Variants in BEGAIN observed in about 807,000 individuals in gnomAD.
The protein encoded by BEGAIN is brain enriched guanylate kinase associated.
In BEGAIN, 19 loss-of-function variants were observed where a neutral mutation model predicts 35.8. That is an observed-to-expected ratio of 0.53 (90% CI 0.37 to 0.78). BEGAIN has a LOEUF of 0.78. Among genes scored for constraint, BEGAIN ranks in the 30% least tolerant of loss-of-function variants. The pLI is 0.00. For missense variants in BEGAIN, 795 were observed against 853.6 expected (o/e 0.93, Z 0.85); for synonymous variants, 462 against 388.6 (o/e 1.19, Z -2.22).
intron 2 of BEGAIN, among the ~76,000 whole-genome samples, chr14:100,552,234 T>C (rs1194411484): frequency 6.6e-6 from 1 of 152,044 alleles, no homozygotes; most frequent in Non-Finnish European, 1.5e-5. Context: ...GGGGTGGGGC[T>C]GGCCTGCAGG....
At position 100,567,413 on chromosome 14, in the gene BEGAIN, TC is replaced by T. The variant is rs2034785570; in HGVS notation, c.71+497del. On this transcript the variant is annotated intron_variant, in intron 2 of 6. Coordinates refer to ENST00000554140, the MANE Select transcript of BEGAIN (RefSeq NM_001385089.1). The surrounding 1 kb of genome is among the most constrained non-coding windows in gnomAD (Gnocchi z 5.1). ...GCCTGGTCCAGCCGCGAGGACTCCA[TC>T]CCCCACCCCCGCCCCCCAGAGGCGG... 6.8e-6 allele frequency among the ~76,000 whole-genome samples: 1 copy of T among 146,254 alleles called. No individual in the cohort carries two copies.
chr14:100,583,997 C>G (rs1231396742), intron 1 of BEGAIN, among the ~76,000 whole-genome samples: 1 of 152,228 alleles, frequency 6.6e-6, no homozygotes, highest in Non-Finnish European at 1.5e-5. Flanking sequence ...CTGCGCCCAG[C>G]CTATCCCTCT....
intron 1 of BEGAIN, among the ~76,000 whole-genome samples, chr14:100,575,611 C>G (rs539265726): frequency 1.2e-3 from 182 of 152,254 alleles, no homozygotes; most frequent in African/African-American, 4.3e-3. Context: ...AGAGTTGGTG[C>G]CCATCATGAG....
At chr14:100,572,821 T>C (rs1209739000) in intron 1 of BEGAIN, among the ~76,000 whole-genome samples, 1 of 152,120 alleles carries the variant, frequency 6.6e-6, no homozygotes, top group Non-Finnish European at 1.5e-5. Context: ...AACTGATCAC[T>C]TGGAGTGGAC....
At chr14:100,562,181 A>G (rs1338612322) in intron 2 of BEGAIN, among the ~76,000 whole-genome samples, 1 of 152,062 alleles carries the variant, frequency 6.6e-6, no homozygotes, top group Non-Finnish European at 1.5e-5. Flanking sequence ...GATGGAGAGC[A>G]GGGGGCCTGG....
At position 100,537,832 on chromosome 14, in the gene BEGAIN, GA is replaced by G. The variant is rs1434943455; in HGVS notation, c.*136del. 1.5e-5 allele frequency: 20 copies of G among 1,304,470 alleles called. No homozygotes were observed. The highest frequency in any genetic ancestry group is 2.0e-5 in the Non-Finnish European group (20 of 986,998). 80.8% of individuals were successfully genotyped at this position (1,304,470 alleles called of 1,614,324 possible). ...AGGCCTACAGGGCTGGGGAGGAGAGGAGGTGCGGGGAGGAACAGACTCCTCG... is the reference window on the plus strand; with the variant it reads ...AGGCCTACAGGGCTGGGGAGGAGAGGGGTGCGGGGAGGAACAGACTCCTCG... On this transcript the variant is annotated 3_prime_UTR_variant, in exon 7 of 7. Transcript: ENST00000554140.
Position 100,558,011 on chromosome 14 carries a change from G to A in BEGAIN, c.71+9900C>T, listed in dbSNP as rs1043045994. ...AGGCAGCCCTCAGCTGGGCTGGACCGTGGCCACTGGCTTCCCCCAGCTGCA... is the reference window on the plus strand; with the variant it reads ...AGGCAGCCCTCAGCTGGGCTGGACCATGGCCACTGGCTTCCCCCAGCTGCA... On this transcript the variant is annotated intron_variant, in intron 2 of 6. Transcript: ENST00000554140. The surrounding 1 kb of genome is among the most constrained non-coding windows in gnomAD (Gnocchi z 4.6). 4.6e-5 allele frequency among the ~76,000 whole-genome samples: 7 copies of A among 152,092 alleles called. No individual in the cohort carries two copies. Among genetic ancestry groups the A allele is most frequent in the African/African-American group, 9.7e-5 (4 of 41,402 alleles).
intron 1 of BEGAIN, among the ~76,000 whole-genome samples, chr14:100,581,094 C>T (rs1302743559): frequency 2.0e-5 from 3 of 152,130 alleles, no homozygotes; most frequent in Non-Finnish European, 4.4e-5. Flanking sequence ...TCCAACACTC[C>T]AACAGGCCTG....
chr14:100,568,323 G>A lies in BEGAIN; in HGVS notation c.43-384C>T. The A allele has an allele frequency of 4.4e-6, 1 of 227,452 alleles. No individual in the cohort carries two copies. Among genetic ancestry groups the A allele is most frequent in the Non-Finnish European group, 8.1e-6 (1 of 123,918 alleles). The allele number at this position is 227,452 out of a possible 1,614,324, so 14.1% of individuals were successfully genotyped here. A position where few individuals can be genotyped will look rare whatever the true frequency, so the allele number is the denominator to read the frequency against. ...CCCCGCTGCTCCCCCCGCCCCGCCC[G>A]TTAACCCTTCCTGCCCCGCGCTCCC... On this transcript the variant is annotated intron_variant, in intron 1 of 6. Transcript: ENST00000554140. The surrounding 1 kb of genome is among the most constrained non-coding windows in gnomAD (Gnocchi z 7.5).
In BEGAIN at chr14:100,539,174, C is replaced by T. The variant is rs766810051; in HGVS notation, c.634G>A (p.Ala212Thr). 8 of 1,581,462 alleles carry T rather than the reference C, an allele frequency of 5.1e-6. No individual in the cohort carries two copies. Among genetic ancestry groups the T allele is most frequent in the South Asian group, 4.6e-5 (4 of 86,828 alleles). ...TCGGACAGGCGGGAGGACAGGCTGG[C>T]GGGGTCCGGCTTCTCCAGCACCTTG... The part of the protein sequence containing the change: ...IAKVLEKPDP[A>T]SLSSRLSDAS... The change falls in exon 7 of 7, where the codon GCC becomes ACC. Residue 212 changes from alanine to threonine, a missense_variant. By Grantham distance (58) the Ala-to-Thr change is moderately conservative. This residue lies in a region of BEGAIN where 664 missense variants were observed against 647.7 expected (regional missense o/e 1.03). Coordinates refer to ENST00000554140, the MANE Select transcript of BEGAIN (RefSeq NM_001385089.1).
chr14:100,567,012 A>T lies in BEGAIN; in HGVS notation c.71+899T>A, dbSNP rs968210014. 2.6e-5 allele frequency among the ~76,000 whole-genome samples: 4 copies of T among 152,028 alleles called. No homozygotes were observed. Among genetic ancestry groups the T allele is most frequent in the Non-Finnish European group, 5.9e-5 (4 of 67,980 alleles). ...CTGGGCTCTGCTCCTTGGGGGAGGG[A>T]TGCTCCTCTACCCGGCCTCCTCCCC... is the stretch of plus-strand genomic sequence containing the variant. On this transcript the variant is annotated intron_variant, in intron 2 of 6. Transcript: ENST00000554140. The surrounding 1 kb of genome is among the most constrained non-coding windows in gnomAD (Gnocchi z 5.1).
At chr14:100,560,797 C>T (rs1015876886) in intron 2 of BEGAIN, among the ~76,000 whole-genome samples, 8 of 152,310 alleles carry the variant, frequency 5.3e-5, no homozygotes, top group African/African-American at 1.2e-4. Flanking sequence ...CATCCCCTGT[C>T]CCATCTCCTG....
At chr14:100,557,599 C>T (rs2033870419) in intron 2 of BEGAIN, among the ~76,000 whole-genome samples, 1 of 152,164 alleles carries the variant, frequency 6.6e-6, no homozygotes, top group South Asian at 2.1e-4. Context: ...ATTATGGCCT[C>T]CTCCCCATCA....
Position 100,555,315 on chromosome 14 carries a change from C to A in BEGAIN, c.72-8653G>T, listed in dbSNP as rs1046588631. ...AATCGCCTCGCCTGGCGGAGCCTCT[C>A]CTGTGCCGGTGGCCTGTGTTCCCTG... On this transcript the variant is annotated intron_variant, in intron 2 of 6. Transcript: ENST00000554140. Among the ~76,000 whole-genome samples the A allele has an allele frequency of 4.6e-5, 7 of 152,266 alleles. 1 individual carries two copies. The South Asian group carries it at 1.4e-3, about 31-fold the overall frequency.
chr14:100,583,776 C>T (rs187400241), intron 1 of BEGAIN, among the ~76,000 whole-genome samples: 16 of 145,826 alleles, frequency 1.1e-4, no homozygotes, highest in Admixed American at 4.1e-4. Flanking sequence ...ACTGCAACCT[C>T]ACCTCTGCCT....
At chr14:100,550,478 C>T (rs550369528) in intron 2 of BEGAIN, 9 of 399,088 alleles carry the variant, frequency 2.3e-5, no homozygotes, top group East Asian at 7.1e-5. Flanking sequence ...CGGGGCTGCC[C>T]GAGGCACAAG....
chr14:100,570,169 A>G (rs1234180385), intron 1 of BEGAIN, among the ~76,000 whole-genome samples: 1 of 152,254 alleles, frequency 6.6e-6, no homozygotes, highest in Non-Finnish European at 1.5e-5. Context: ...TCTAAAATTA[A>G]TAAGAATGTA....
rs914121661 is a variant in BEGAIN, at chr14:100,538,662, T to C, written c.1146A>G (p.Glu382=). The C allele has an allele frequency of 3.2e-5, 49 of 1,550,724 alleles. No individual in the cohort carries two copies. The highest frequency in any genetic ancestry group is 4.2e-5 in the Non-Finnish European group (48 of 1,146,952). ...TGGTCCGCCCGAAGCCTGGGGCCAC[T>C]TCGGCCTCCAGCGGGGCCGCCACCG... ...TAAVAAPLEA[E]VAPGFGRTMS... Residue 382 remains glutamate (E), a synonymous_variant, in exon 7 of 7, where the codon GAA becomes GAG. Coordinates refer to ENST00000554140, the MANE Select transcript of BEGAIN (RefSeq NM_001385089.1).
intron 1 of BEGAIN, among the ~76,000 whole-genome samples, chr14:100,577,067 A>C (rs2035218067): frequency 3.3e-5 from 5 of 152,210 alleles, no homozygotes; most frequent in Admixed American, 3.3e-4. Flanking sequence ...GCTCTGCCGC[A>C]GTGGGGAGGG....
Sources: allele counts gnomAD v4.1 joint callset (sites outside exome capture counted in the v4.1 genomes callset), GRCh38; gene constraint gnomAD v4.1.1; regional missense constraint gnomAD v4.1.1; non-coding constraint Gnocchi (gnomAD v3.1); transcripts MANE v1.5; gene names NCBI Gene and HGNC (gene_info 2026-07-23, HGNC 2026-07-21).